SDAD1: variants seen among roughly 807,000 people sequenced by gnomAD.
The protein encoded by SDAD1 is protein SDA1 homolog.
Under a neutral mutation model 100.3 loss-of-function variants are expected in SDAD1, and 79 were observed. The ratio of observed to expected loss-of-function variants is 0.79; its 90% CI spans 0.66 to 0.95. The LOEUF (loss-of-function observed/expected upper bound fraction) is 0.95, where lower values mean the gene tolerates loss of function less well. Ranked by LOEUF, SDAD1 falls within the 40% of genes least tolerant of loss-of-function variation. SDAD1 has a pLI of 0.00. For missense variants in SDAD1, 790 were observed against 810.9 expected, an observed-to-expected ratio of 0.97 and a Z score of 0.31; for synonymous variants, 267 against 271.4, an observed-to-expected ratio of 0.98 and a Z score of 0.16.
intron 1 of SDAD1, among the ~76,000 whole-genome samples, chr4:75,990,274 ACCC>A (rs11294605): frequency 0.012 from 1,415 of 119,286 alleles, 22 homozygotes; most frequent in African/African-American, 0.036. Context: ...TGCTTGAGAA[ACCC>A]CCCCCCCCCC....
At chr4:75,961,539 C>T (rs1475426111) in intron 14 of SDAD1, among the ~76,000 whole-genome samples, 1 of 152,028 alleles carries the variant, frequency 6.6e-6, no homozygotes, top group Non-Finnish European at 1.5e-5. Flanking sequence ...CAGTGTCCGG[C>T]ACACTAAATC....
rs1728558469 is a variant in SDAD1 at position 75,950,262 on chromosome 4, G to C, written c.*488C>G. 1 of 152,480 alleles carries C rather than the reference G, an allele frequency of 6.6e-6. No individual in the cohort carries two copies. Among genetic ancestry groups the C allele is most frequent in the Non-Finnish European group, 1.5e-5 (1 of 68,336 alleles). The allele number at this position is 152,480 out of a possible 1,614,324, so 9.4% of individuals were successfully genotyped here. ...GTACAAGTAAGAACCTCTTACTCTTGTAACATTGTCCTGTTTTGTTTTGTC... is the reference window on the plus strand; with the variant it reads ...GTACAAGTAAGAACCTCTTACTCTTCTAACATTGTCCTGTTTTGTTTTGTC... On this transcript the variant is annotated 3_prime_UTR_variant, in exon 22 of 22. Transcript: ENST00000356260.
intron 4 of SDAD1, 96 bp from the exon 5 acceptor site, chr4:75,976,091 A>G (rs565736178): frequency 2.4e-4 from 167 of 706,406 alleles, no homozygotes; most frequent in Non-Finnish European, 3.5e-4. Context: ...GGATGACTTA[A>G]TTTTACCTAT....
Position 75,975,997 on chromosome 4 carries a change from T to C in SDAD1, c.406-2A>G. ...AGTCACAATATGTGTGTATAAAGTC[T>C]GAGGAAAAGAAACAAAAATATATAC... On this transcript the variant is annotated splice_acceptor_variant, in intron 4 of 21. Coordinates refer to ENST00000356260, the MANE Select transcript of SDAD1 (RefSeq NM_018115.4). LOFTEE classifies it high-confidence loss of function. The C allele has an allele frequency of 6.3e-7, 1 of 1,587,690 alleles. No individual in the cohort carries two copies.
At chr4:75,969,244 T>C (rs1479789938) in intron 11 of SDAD1, 52 bp downstream of exon 11, 10 of 1,435,424 alleles carry the variant, frequency 7.0e-6, no homozygotes, top group Admixed American at 3.5e-5. Flanking sequence ...TCTTTTACCA[T>C]GGTAAATTCT....
At chr4:75,981,677 T>C (rs1730524838) in intron 2 of SDAD1, 1 of 862,450 alleles carries the variant, frequency 1.2e-6, no homozygotes, top group South Asian at 1.7e-5. Context: ...TATGGCATGA[T>C]TTAGTACCTG....
At position 75,970,333 on chromosome 4, in the gene SDAD1, T is replaced by G. The variant is rs1202673124; in HGVS notation, c.859A>C (p.Ile287Leu). The change falls in exon 10 of 22, where the codon ATT (isoleucine) becomes CTT (leucine). Residue 287 changes from isoleucine to leucine, a missense_variant. By Grantham distance (5) the Ile-to-Leu change is conservative. Transcript: ENST00000356260. The part of the protein sequence containing the change: ...KKPEVFNFSA[I>L]HLIHDPQDFA... ...CCTTGGGGATCATGAATCAAGTGAA[T>G]GGCTGAAAAGTTAAACACCTCTGGT... The G allele has an allele frequency of 2.5e-6, 4 of 1,614,008 alleles. No individual in the cohort carries two copies. Among genetic ancestry groups the G allele is most frequent in the Non-Finnish European group, 3.4e-6 (4 of 1,179,890 alleles).
intron 2 of SDAD1, 22 bp downstream of exon 2, chr4:75,981,907 CTTTA>C: frequency 6.7e-7 from 1 of 1,483,100 alleles, no homozygotes; most frequent in Non-Finnish European, 9.4e-7. Flanking sequence ...TAATACTGGT[CTTTA>C]TTTAAGCAAT....
intron 17 of SDAD1, among the ~76,000 whole-genome samples, chr4:75,958,868 C>T (rs567792746): frequency 3.5e-4 from 53 of 150,100 alleles, no homozygotes; most frequent in South Asian, 1.9e-3. Context: ...GAGGCTGAGG[C>T]GGGCGGATCA....
chr4:75,959,717 T>A (rs1729122736), intron 17 of SDAD1, among the ~76,000 whole-genome samples: 1 of 152,186 alleles, frequency 6.6e-6, no homozygotes. Context: ...ACATGCATTC[T>A]CCTTCAACAA....
At chr4:75,986,353 T>A (rs546318765) in intron 1 of SDAD1, among the ~76,000 whole-genome samples, 157 of 152,280 alleles carry the variant, frequency 1.0e-3, no homozygotes, top group African/African-American at 3.6e-3. Context: ...TTCCCACTTT[T>A]CTGGACAACC....
At chr4:75,963,032 C>T (rs1729336019) in intron 14 of SDAD1, among the ~76,000 whole-genome samples, 1 of 152,166 alleles carries the variant, frequency 6.6e-6, no homozygotes, top group South Asian at 2.1e-4. Context: ...TTAGGCCTAA[C>T]ATTTAAGTCT....
intron 13 of SDAD1, 35 bp from the exon 14 acceptor site, chr4:75,964,246 T>G: frequency 3.6e-6 from 5 of 1,374,332 alleles, no homozygotes; most frequent in Non-Finnish European, 5.2e-6. Flanking sequence ...GGGTGCTGAT[T>G]AAATGTCTGC....
In SDAD1 at chr4:75,969,403, G is replaced by A; in HGVS notation, c.884-4C>T. 2.5e-6 allele frequency: 4 copies of A among 1,606,036 alleles called. No individual in the cohort carries two copies. The highest frequency in any genetic ancestry group is 3.4e-6 in the Non-Finnish European group (4 of 1,173,388). On this transcript the variant is annotated splice_polypyrimidine_tract_variant and splice_region_variant and intron_variant, in intron 10 of 21. Transcript: ENST00000356260. ...TTTAGTAGTTTTTCCGCAAAATCTG[G>A]CAAGGAGAGGATGAAAGAAGTACAT...
At position 75,976,823 on chromosome 4, in the gene SDAD1, C is replaced by T. The variant is rs77540608; in HGVS notation, c.405+823G>A. On this transcript the variant is annotated intron_variant, in intron 4 of 21. Transcript: ENST00000356260. ...TGAATGCATATATCACTGGTGCCCACACCATGCTCCCATGGACCACTTTTA... is the reference window on the plus strand; with the variant it reads ...TGAATGCATATATCACTGGTGCCCATACCATGCTCCCATGGACCACTTTTA... Among the ~76,000 whole-genome samples the T allele has an allele frequency of 9.3e-4, 141 of 152,344 alleles. 1 individual carries two copies. The East Asian group carries it at 0.025, about 27-fold the overall frequency.
intron 20 of SDAD1, among the ~76,000 whole-genome samples, chr4:75,956,772 C>T (rs1186994856): frequency 6.6e-6 from 1 of 152,172 alleles, no homozygotes; most frequent in Non-Finnish European, 1.5e-5. Context: ...GTGCTCTCTA[C>T]CTTGTTTTGA....
intron 6 of SDAD1, among the ~76,000 whole-genome samples, chr4:75,975,456 C>T (rs1730104028): frequency 1.3e-5 from 2 of 152,168 alleles, no homozygotes; most frequent in Non-Finnish European, 2.9e-5. Flanking sequence ...TAAGAACTTC[C>T]ATGTCATTAC....
Position 75,950,675 on chromosome 4 carries a change from A to G in SDAD1, c.*75T>C. The stretch of plus-strand genomic sequence containing the variant: ...TCTGGACTTTTTAATGTAAACAAAC[A>G]TGCTTGATTTACCAATTTTCAGAGC... On this transcript the variant is annotated 3_prime_UTR_variant, in exon 22 of 22. Transcript: ENST00000356260. 9.4e-7 allele frequency: 1 copy of G among 1,062,998 alleles called. No individual in the cohort carries two copies. The highest frequency in any genetic ancestry group is 1.4e-6 in the Non-Finnish European group (1 of 706,558). The allele number at this position is 1,062,998 out of a possible 1,614,324, so 65.8% of individuals were successfully genotyped here.
At chr4:75,957,124 A>T (rs1038046796) in intron 20 of SDAD1, among the ~76,000 whole-genome samples, 11 of 152,098 alleles carry the variant, frequency 7.2e-5, no homozygotes, top group African/African-American at 2.7e-4. Context: ...CAAACAAACA[A>T]ACATACTAAC....
Sources: gnomAD v4.1 joint callset for allele counts (sites outside exome capture counted in the v4.1 genomes callset) on GRCh38, gnomAD v4.1.1 for gene constraint, MANE v1.5 for transcripts, NCBI Gene and HGNC (gene_info 2026-07-23, HGNC 2026-07-21) for gene names.